Variants in ZNF816 observed in about 807,000 individuals in gnomAD.
ZNF816 encodes the protein zinc finger protein 816.
ZNF816 carries 11 observed loss-of-function variants against 8.3 expected under a neutral mutation model. The observed-to-expected ratio is 1.32, with a 90% CI of 0.83 to 2.19. The LOEUF (loss-of-function observed/expected upper bound fraction) is 2.19. ZNF816 is among the 30% of genes most tolerant of loss of function. ZNF816 has a pLI of 0.00. For synonymous variants in ZNF816, 255 were observed against 254.5 expected (o/e 1.00, Z -0.02); for missense variants, 710 against 779.3 (o/e 0.91, Z 1.06).
At chr19:52,959,964 T>C (rs1357466647) in intron 1 of ZNF816, 1 of 152,992 alleles carries the variant, frequency 6.5e-6, no homozygotes, top group African/African-American at 2.4e-5. Context: ...AAAGACTTTC[T>C]CCAGGCAGAG....
At chr19:52,961,847 C>T (rs10415950) in intron 1 of ZNF816, among the ~76,000 whole-genome samples, 66,503 of 152,096 alleles carry the variant, frequency 0.44, 16,939 homozygotes, top group African/African-American at 0.71. Context: ...CCGATGGCCT[C>T]AGGAAGCCCG....
chr19:52,953,732 A>G (rs1260606451), intron 2 of ZNF816, among the ~76,000 whole-genome samples: 10 of 126,932 alleles, frequency 7.9e-5, no homozygotes, highest in African/African-American at 2.3e-4. Flanking sequence ...TATATAATAT[A>G]TATTTTATAT....
rs2083473151 is a variant in ZNF816, at chr19:52,953,026, G to C, written c.64-149C>G. On this transcript the variant is annotated intron_variant, in intron 2 of 3. Coordinates refer to ENST00000444460, the MANE Select transcript of ZNF816 (RefSeq NM_001202457.3). ...TAAGGTATTTTTGAACAATTTTTCA[G>C]TATAGTTGCATTTTATTGTACTTTT... The C allele has an allele frequency of 2.9e-6, 4 of 1,374,152 alleles. No individual in the cohort carries two copies. In the East Asian group the frequency reaches 1.0e-4, roughly 35 times the overall value. 85.1% of individuals were successfully genotyped at this position (1,374,152 alleles called of 1,614,324 possible).
intron 1 of ZNF816, among the ~76,000 whole-genome samples, chr19:52,958,134 C>G (rs948209057): frequency 6.6e-5 from 10 of 152,152 alleles, no homozygotes; most frequent in African/African-American, 2.4e-4. Flanking sequence ...AGCCTGAGAG[C>G]CTTTAGAATT....
intron 1 of ZNF816, 127 bp from the exon 2 acceptor site, chr19:52,956,231 G>T (rs1297627574): frequency 2.3e-5 from 24 of 1,041,452 alleles, no homozygotes; most frequent in African/African-American, 3.2e-5. Flanking sequence ...CTGCACCAGA[G>T]ACCATGCAGA....
rs376001986 is a variant in ZNF816, at chr19:52,950,687, T to C, written c.1088A>G (p.His363Arg). 1.3e-5 allele frequency: 21 copies of C among 1,614,056 alleles called. No individual in the cohort carries two copies. The highest frequency in any genetic ancestry group is 1.8e-5 in the Non-Finnish European group (21 of 1,180,036). Residue 363 changes from histidine to arginine, a missense_variant, in exon 4 of 4, where the codon CAT becomes CGT. Transcript: ENST00000444460. The stretch of plus-strand genomic sequence containing the variant: ...ACACTTGTAAGGTTTCTCTCCAGTA[T>C]GAATTGCCTTATGAATTACAAGGGC... The part of the protein sequence containing the change: ...NSALVIHKAI[H>R]TGEKPYKCNE...
At chr19:52,953,607 GTATT>G in intron 2 of ZNF816, among the ~76,000 whole-genome samples, 2 of 126,642 alleles carry the variant, frequency 1.6e-5, no homozygotes, top group East Asian at 4.3e-4. Flanking sequence ...TATATAATAT[GTATT>G]TATAAAATAT....
intron 2 of ZNF816, chr19:52,953,199 C>T: frequency 3.9e-6 from 1 of 255,396 alleles, no homozygotes; most frequent in African/African-American, 2.4e-5. Flanking sequence ...AGTTCGAGCC[C>T]AGGACAATAT....
Position 52,950,556 on chromosome 19 carries a change from T to G in ZNF816, c.1219A>C (p.Ile407Leu), listed in dbSNP as rs2083447746. The change falls in exon 4 of 4, where the codon ATT becomes CTT. Residue 407 changes from isoleucine to leucine, a missense_variant. Physicochemically the swap from Ile to Leu is conservative, Grantham distance 5 (BLOSUM62 2). Transcript: ENST00000444460. ...YKCEECDNVY[I>L]RRSHLERHRK... ...TGTCTTTCAAGGTGTGATCTGCGAA[T>G]GTAAACATTGTCACATTCTTCACAT... 4 of 1,613,728 alleles carry G rather than the reference T, an allele frequency of 2.5e-6. No homozygotes were observed. Among genetic ancestry groups the G allele is most frequent in the South Asian group, 1.1e-5 (1 of 91,074 alleles).
chr19:52,951,193 TC>T lies in ZNF816; in HGVS notation c.581del (p.Arg194LysfsTer31). On this transcript the variant is annotated frameshift_variant, in exon 4 of 4. Transcript: ENST00000444460. LOFTEE classifies it low-confidence loss of function (END_TRUNC). ...IGASSASESQ[R>X]ISCRLKTHIS... ...TATGAGTTTTGAGCCTACAAGAAAT[TC>T]TTTGGGATTCTGAAGCTGAGGAAGC... The T allele has an allele frequency of 6.2e-7, 1 of 1,600,016 alleles. No individual in the cohort carries two copies. The highest frequency in any genetic ancestry group is 1.1e-5 in the South Asian group (1 of 90,494).
In ZNF816 at chr19:52,952,828, C is replaced by T. The variant is rs1039403352; in HGVS notation, c.113G>A (p.Trp38Ter). The T allele has an allele frequency of 3.7e-6, 6 of 1,613,422 alleles. No homozygotes were observed. Among genetic ancestry groups the T allele is most frequent in the Non-Finnish European group, 5.1e-6 (6 of 1,179,808 alleles). Reference sequence around the variant, plus strand: ...CCTCTGTGCAGGGTTCAGGCATTTCCACTCCTCCAAAGAGAACTCTATAGC... The same window carrying T: ...CCTCTGTGCAGGGTTCAGGCATTTCTACTCCTCCAAAGAGAACTCTATAGC... The part of the protein sequence containing the change: ...DVAIEFSLEE[W>*]KCLNPAQRAL... Residue 38 changes from tryptophan to a stop codon, truncating the protein, a stop_gained, in exon 3 of 4, where the codon TGG (tryptophan) becomes TAG (stop). Coordinates refer to ENST00000444460, the MANE Select transcript of ZNF816 (RefSeq NM_001202457.3). LOFTEE classifies it high-confidence loss of function.
In ZNF816 at chr19:52,950,751, T is replaced by C; in HGVS notation, c.1024A>G (p.Lys342Glu). 1 of 1,613,682 alleles carries C rather than the reference T, an allele frequency of 6.2e-7. No individual in the cohort carries two copies. The highest frequency in any genetic ancestry group is 1.3e-5 in the African/African-American group (1 of 74,718). ...AAAGTCTTGCCACACTCATTACACT[T>C]GTAAGGTTTCTCTCCAGTATGAAGT... ...RRLHTGEKPY[K>E]CNECGKTFGR... Residue 342 changes from lysine (K) to glutamate (E), a missense_variant, in exon 4 of 4, where the codon AAG becomes GAG. Physicochemically the swap from Lys to Glu is moderately conservative, Grantham distance 56 (BLOSUM62 1). Transcript: ENST00000444460.
In ZNF816 at chr19:52,951,449, T is replaced by C; in HGVS notation, c.326A>G (p.Asp109Gly). Residue 109 changes from aspartate (D) to glycine (G), a missense_variant, in exon 4 of 4, where the codon GAT becomes GGT. By Grantham distance (94) the Asp-to-Gly change is moderately conservative (BLOSUM62 -1). Coordinates refer to ENST00000444460, the MANE Select transcript of ZNF816 (RefSeq NM_001202457.3). ...CCACTGAAACTCAAAGTGATGAATATCTTTCTTCATTTCTGGGAAGCAAAA... is the reference window on the plus strand; with the variant it reads ...CCACTGAAACTCAAAGTGATGAATACCTTTCTTCATTTCTGGGAAGCAAAA... ...GDFCFPEMKK[D>G]IHHFEFQWQE... The C allele has an allele frequency of 6.2e-7, 1 of 1,614,058 alleles. No individual in the cohort carries two copies. Among genetic ancestry groups the C allele is most frequent in the African/African-American group, 1.3e-5 (1 of 75,050 alleles).
chr19:52,961,549 A>G (rs957691564), intron 1 of ZNF816, among the ~76,000 whole-genome samples: 4 of 152,216 alleles, frequency 2.6e-5, no homozygotes, highest in African/African-American at 9.7e-5. Flanking sequence ...GTAACCCACT[A>G]GAACTAATAA....
At chr19:52,959,270 C>G (rs1262247873) in intron 1 of ZNF816, among the ~76,000 whole-genome samples, 1 of 152,226 alleles carries the variant, frequency 6.6e-6, no homozygotes, top group Non-Finnish European at 1.5e-5. Context: ...AAACAAGTAC[C>G]AAAGCTTGCT....
intron 2 of ZNF816, among the ~76,000 whole-genome samples, chr19:52,954,829 A>AAC (rs2083495894): frequency 6.6e-6 from 1 of 151,838 alleles, no homozygotes; most frequent in African/African-American, 2.4e-5. Context: ...AAAAAAAAAA[A>AAC]AACCCCATTC....
intron 1 of ZNF816, among the ~76,000 whole-genome samples, chr19:52,958,107 T>C (rs960951748): frequency 6.6e-6 from 1 of 152,112 alleles, no homozygotes; most frequent in Non-Finnish European, 1.5e-5. Context: ...CTTGAAAGTA[T>C]CCAGGTCCAT....
intron 2 of ZNF816, among the ~76,000 whole-genome samples, chr19:52,954,892 G>A (rs73584431): frequency 0.027 from 3,990 of 148,864 alleles, 165 homozygotes; most frequent in African/African-American, 0.093. Flanking sequence ...CATTTCTAAA[G>A]GATTGCGCCG....
At position 52,954,260 on chromosome 19, in the gene ZNF816, G is replaced by A. The variant is rs571929549; in HGVS notation, c.64-1383C>T. ...AAGTTAGCTGGGAATGGTGGCGCAT[G>A]CCTATATTCCCAGCTACTGAACCTG... On this transcript the variant is annotated intron_variant, in intron 2 of 3. Transcript: ENST00000444460. Among the ~76,000 whole-genome samples, 4 of 152,050 alleles carry A rather than the reference G, an allele frequency of 2.6e-5. No homozygotes were observed. In the East Asian group the frequency reaches 7.8e-4, roughly 30 times the overall value.
Sources: gnomAD v4.1 joint callset for allele counts (sites outside exome capture counted in the v4.1 genomes callset) on GRCh38, gnomAD v4.1.1 for gene constraint, MANE v1.5 for transcripts, NCBI Gene and HGNC (gene_info 2026-07-23, HGNC 2026-07-21) for gene names.